Variants in INVS observed in about 807,000 individuals in gnomAD.
INVS encodes the protein inversion of embryo turning homolog.
Under a neutral mutation model 108.8 loss-of-function variants are expected in INVS, and 86 were observed. The ratio of observed to expected loss-of-function variants is 0.79; its 90% CI spans 0.66 to 0.95. INVS has a LOEUF of 0.95. Among genes scored for constraint, INVS ranks in the 40% least tolerant of loss-of-function variants. INVS has a pLI of 0.00. For synonymous variants in INVS, 455 were observed against 473.5 expected (o/e 0.96, Z 0.51); for missense variants, 1,169 against 1,297.4 (o/e 0.90, Z 1.52).
intron 3 of INVS, among the ~76,000 whole-genome samples, chr9:100,167,060 A>G (rs1305787175): frequency 1.3e-5 from 2 of 151,926 alleles, no homozygotes; most frequent in Non-Finnish European, 2.9e-5. Flanking sequence ...GCGAAACCCC[A>G]TCTCTACTAA....
At chr9:100,266,452 G>A (rs1371651192) in intron 11 of INVS, among the ~76,000 whole-genome samples, 3 of 152,144 alleles carry the variant, frequency 2.0e-5, no homozygotes, top group East Asian at 1.9e-4. Context: ...CCCCTTTTCA[G>A]ACCTTATAGG....
intron 10 of INVS, among the ~76,000 whole-genome samples, chr9:100,259,911 A>T (rs779757214): frequency 6.7e-6 from 1 of 148,896 alleles, no homozygotes; most frequent in Admixed American, 6.7e-5. Context: ...TCGCTTCGTC[A>T]CCCAGGCTGG....
At chr9:100,267,566 C>G (rs1832832107) in intron 11 of INVS, among the ~76,000 whole-genome samples, 1 of 152,320 alleles carries the variant, frequency 6.6e-6, no homozygotes, top group Non-Finnish European at 1.5e-5. Context: ...TACATTGACA[C>G]TAGTCAGTTG....
chr9:100,103,690 G>T, intron 1 of INVS, among the ~76,000 whole-genome samples: 1 of 147,444 alleles, frequency 6.8e-6, no homozygotes, highest in Non-Finnish European at 1.5e-5. Flanking sequence ...GCGAGGGGAG[G>T]GGAGGGGAGG....
chr9:100,268,800 G>A (rs1832866495), intron 11 of INVS, among the ~76,000 whole-genome samples: 1 of 151,994 alleles, frequency 6.6e-6, no homozygotes, highest in Non-Finnish European at 1.5e-5. Flanking sequence ...CTTTACAAAT[G>A]AGGAAACAAA....
At chr9:100,236,784 G>C (rs1264194864) in intron 5 of INVS, among the ~76,000 whole-genome samples, 1 of 152,194 alleles carries the variant, frequency 6.6e-6, no homozygotes, top group Non-Finnish European at 1.5e-5. Flanking sequence ...TCCTGTATGA[G>C]GTGTCTGCCG....
chr9:100,295,600 T>G (rs569046250), intron 14 of INVS, among the ~76,000 whole-genome samples: 13 of 151,876 alleles, frequency 8.6e-5, no homozygotes, highest in Non-Finnish European at 1.8e-4. Context: ...AGGTGGAGGA[T>G]GGAGAAAAGG....
chr9:100,140,236 C>T (rs1345578291), intron 3 of INVS, among the ~76,000 whole-genome samples: 1 of 152,128 alleles, frequency 6.6e-6, no homozygotes, highest in Non-Finnish European at 1.5e-5. Flanking sequence ...AGCAACAAGG[C>T]TATTTATTTC....
intron 3 of INVS, among the ~76,000 whole-genome samples, chr9:100,203,165 A>G (rs1355648396): frequency 6.6e-6 from 1 of 152,218 alleles, no homozygotes; most frequent in African/African-American, 2.4e-5. Context: ...TGTGAAGCAC[A>G]TACCAGTTAC....
At chr9:100,119,999 CTAAT>C (rs1357293086) in intron 2 of INVS, among the ~76,000 whole-genome samples, 1 of 152,148 alleles carries the variant, frequency 6.6e-6, no homozygotes, top group Non-Finnish European at 1.5e-5. Flanking sequence ...ACCAGAAAAT[CTAAT>C]TAGTTATGCT....
intron 11 of INVS, among the ~76,000 whole-genome samples, chr9:100,267,426 A>T (rs535984374): frequency 1.8e-4 from 27 of 152,350 alleles, no homozygotes; most frequent in African/African-American, 6.5e-4. Flanking sequence ...TTGACATTCC[A>T]GTTTAGGCAT....
In INVS at chr9:100,122,576, C is replaced by CTTTTTTTTTTTT. The variant is rs1161036698; in HGVS notation, c.107-3793_107-3782dup. On this transcript the variant is annotated intron_variant, in intron 2 of 16. Transcript: ENST00000262457. ...ATGTTATTGTATTTTAAGTGAGTTT[C>CTTTTTTTTTTTT]TTTTTTTTTTTTTTTTTTTTTTTTT... Among the ~76,000 whole-genome samples the CTTTTTTTTTTTT allele has an allele frequency of 1.0e-4, 6 of 57,532 alleles. 2 individuals carry two copies. The highest frequency in any genetic ancestry group is 3.3e-4 in the African/African-American group (5 of 14,976). The allele number at this position is 57,532 out of a possible 152,430, so 37.7% of individuals were successfully genotyped here.
chr9:100,104,168 A>G (rs1309409300), intron 1 of INVS, among the ~76,000 whole-genome samples: 1 of 152,142 alleles, frequency 6.6e-6, no homozygotes, highest in African/African-American at 2.4e-5. Flanking sequence ...CAACTTGTAC[A>G]AAAGTCACCT....
chr9:100,284,685 T>G, intron 13 of INVS, 82 bp downstream of exon 13: 1 of 1,424,216 alleles, frequency 7.0e-7, no homozygotes, highest in East Asian at 2.4e-5. Context: ...CAATTACACT[T>G]AAGATAATTG....
chr9:100,300,494 C>A, intron 16 of INVS, 74 bp from the exon 17 acceptor site: 1 of 1,041,898 alleles, frequency 9.6e-7, no homozygotes, highest in Non-Finnish European at 1.5e-6. Flanking sequence ...CCTTCTTCCT[C>A]AACACCAATG....
At chr9:100,230,760 A>G (rs1588107385) in intron 5 of INVS, among the ~76,000 whole-genome samples, 1 of 152,016 alleles carries the variant, frequency 6.6e-6, no homozygotes, top group Non-Finnish European at 1.5e-5. Context: ...CTCGTGATCT[A>G]CCTGCCTCAG....
chr9:100,106,330 TC>T (rs1367851896), intron 2 of INVS, among the ~76,000 whole-genome samples: 2 of 152,154 alleles, frequency 1.3e-5, no homozygotes, highest in African/African-American at 2.4e-5. Context: ...CTTCTTTTTT[TC>T]CCCCTCTGAT....
chr9:100,150,650 A>G (rs569297277), intron 3 of INVS, among the ~76,000 whole-genome samples: 1 of 152,244 alleles, frequency 6.6e-6, no homozygotes, highest in Non-Finnish European at 1.5e-5. Context: ...TAGGGCCATT[A>G]TTTGTTTATG....
intron 5 of INVS, among the ~76,000 whole-genome samples, chr9:100,233,907 C>G (rs545475690): frequency 2.6e-5 from 4 of 152,272 alleles, no homozygotes; most frequent in Admixed American, 2.0e-4. Context: ...GGAGGATTCC[C>G]TCTTTTTCTA....
Sources: gnomAD v4.1 joint callset for allele counts (sites outside exome capture counted in the v4.1 genomes callset) on GRCh38, gnomAD v4.1.1 for gene constraint, MANE v1.5 for transcripts, NCBI Gene and HGNC (gene_info 2026-07-23, HGNC 2026-07-21) for gene names.